FRMD3: variants seen among roughly 807,000 people sequenced by gnomAD.
The protein encoded by FRMD3 is FERM domain containing 3.
Under a neutral mutation model 70.2 loss-of-function variants are expected in FRMD3, and 33 were observed. The observed-to-expected ratio is 0.47, with a 90% CI of 0.36 to 0.63. FRMD3 has a LOEUF of 0.63. Ranked by LOEUF, FRMD3 falls within the 20% of genes least tolerant of loss-of-function variation. The probability of loss-of-function intolerance (pLI) is 0.00; values close to 1 mark genes in which losing one functional copy is unlikely to be tolerated. For missense variants in FRMD3, 632 were observed against 711.4 expected, an observed-to-expected ratio of 0.89 and a Z score of 1.27; for synonymous variants, 279 against 255.9, an observed-to-expected ratio of 1.09 and a Z score of -0.86.
chr9:83,545,356 G>GT, the FRMD3 span, among the ~76,000 whole-genome samples: 13,644 of 117,322 alleles, frequency 0.12, 979 homozygotes, highest in Middle Eastern at 0.18. Context: ...GTTTTTTTTT[G>GT]TTTTTTTTTT....
intron 3 of FRMD3, among the ~76,000 whole-genome samples, chr9:83,362,950 T>C (rs150186921): frequency 1.4e-5 from 2 of 142,914 alleles, no homozygotes; most frequent in Admixed American, 1.4e-4. Flanking sequence ...TTCCTTGCTT[T>C]CTTTCTTCCT....
intron 2 of FRMD3, among the ~76,000 whole-genome samples, chr9:83,379,319 A>G (rs1410466355): frequency 1.3e-5 from 2 of 152,166 alleles, no homozygotes; most frequent in African/African-American, 4.8e-5. Context: ...GTAATTAGAT[A>G]TAAGTCTTAG....
intron 1 of FRMD3, among the ~76,000 whole-genome samples, chr9:83,394,445 C>T (rs1172571179): frequency 6.6e-6 from 1 of 152,172 alleles, no homozygotes. Context: ...CTCTGAATCT[C>T]TATCTCCTGG....
At chr9:83,580,975 G>A in the FRMD3 span, among the ~76,000 whole-genome samples, 6 of 152,214 alleles carry the variant, frequency 3.9e-5, no homozygotes, top group East Asian at 9.7e-4. Flanking sequence ...GTGTTGTGGA[G>A]AGGGAGGCTA....
At position 83,446,988 on chromosome 9, in the gene FRMD3, T is replaced by TG. The variant is rs1554706660; in HGVS notation, c.148-57281_148-57280insC. On this transcript the variant is annotated intron_variant, in intron 1 of 13. Transcript: ENST00000304195. Reference sequence around the variant, plus strand: ...CCTCCTCACAGACAGCAGATCAGGGTTTTTGTTTTGTTTTGTTTTGTTTTG... The same window carrying TG: ...CCTCCTCACAGACAGCAGATCAGGGTGTTTTGTTTTGTTTTGTTTTGTTTTG... 6.8e-3 allele frequency among the ~76,000 whole-genome samples: 1,001 copies of TG among 146,854 alleles called. 11 individuals are homozygous for TG. Among genetic ancestry groups the TG allele is most frequent in the African/African-American group, 0.024 (940 of 39,364 alleles).
At chr9:83,259,955 G>A (rs2118675320) in intron 13 of FRMD3, among the ~76,000 whole-genome samples, 1 of 152,244 alleles carries the variant, frequency 6.6e-6, no homozygotes, top group Non-Finnish European at 1.5e-5. Context: ...ATGATGGAGT[G>A]AAAAGAGCAG....
intron 6 of FRMD3, among the ~76,000 whole-genome samples, chr9:83,334,408 T>C (rs1823506491): frequency 6.6e-6 from 1 of 152,146 alleles, no homozygotes; most frequent in Non-Finnish European, 1.5e-5. Context: ...TCACATATAC[T>C]CTTCCCAGAC....
chr9:83,352,965 A>G (rs1824211536), intron 3 of FRMD3, among the ~76,000 whole-genome samples: 1 of 152,214 alleles, frequency 6.6e-6, no homozygotes, highest in African/African-American at 2.4e-5. Context: ...AAATCAATAC[A>G]AGGTGCTCAA....
chr9:83,370,282 A>C (rs1424688477), intron 3 of FRMD3, among the ~76,000 whole-genome samples: 1 of 152,208 alleles, frequency 6.6e-6, no homozygotes, highest in Non-Finnish European at 1.5e-5. Context: ...ATAGTTTAAA[A>C]ATTTTCTAAT....
intron 4 of FRMD3, among the ~76,000 whole-genome samples, chr9:83,347,476 ACAT>A (rs1824001265): frequency 6.6e-6 from 1 of 152,220 alleles, no homozygotes; most frequent in South Asian, 2.1e-4. Context: ...ATTAAAATCA[ACAT>A]TCTTTTTGTA....
intron 1 of FRMD3, among the ~76,000 whole-genome samples, chr9:83,414,360 G>T (rs1826369783): frequency 6.6e-6 from 1 of 152,162 alleles, no homozygotes; most frequent in African/African-American, 2.4e-5. Flanking sequence ...CGACATCAAT[G>T]TGAAAGGTAA....
chr9:83,396,690 G>T lies in FRMD3; in HGVS notation c.148-6982C>A, dbSNP rs149881474. Among the ~76,000 whole-genome samples the T allele has an allele frequency of 5.3e-5, 8 of 152,324 alleles. No individual in the cohort carries two copies. In the East Asian group the frequency reaches 1.5e-3, roughly 29 times the overall value. On this transcript the variant is annotated intron_variant, in intron 1 of 13. Coordinates refer to ENST00000304195, the MANE Select transcript of FRMD3 (RefSeq NM_174938.6). ...TGCCCTTCCCTCTGGACCATACACA[G>T]AGGTGCAGTGGGATTGAGGATGAAG... is the stretch of plus-strand genomic sequence containing the variant.
intron 12 of FRMD3, among the ~76,000 whole-genome samples, chr9:83,292,746 C>G (rs1834488825): frequency 6.6e-6 from 1 of 152,116 alleles, no homozygotes; most frequent in African/African-American, 2.4e-5. Flanking sequence ...CTCCTGGGTT[C>G]AAGTGATTCT....
intron 1 of FRMD3, among the ~76,000 whole-genome samples, chr9:83,393,913 T>C (rs1247962178): frequency 6.8e-6 from 1 of 146,110 alleles, no homozygotes; most frequent in African/African-American, 2.5e-5. Context: ...TTCTATTGTG[T>C]GTGTGTTTTT....
downstream of FRMD3, among the ~76,000 whole-genome samples, chr9:83,243,847 G>T (rs930639566): frequency 4.6e-5 from 7 of 152,108 alleles, no homozygotes; most frequent in African/African-American, 1.7e-4. Context: ...TAGGTATGGA[G>T]TTGTTAGCTT....
At chr9:83,269,367 A>G (rs1833438439) in intron 13 of FRMD3, among the ~76,000 whole-genome samples, 1 of 152,212 alleles carries the variant, frequency 6.6e-6, no homozygotes, top group Admixed American at 6.5e-5. Context: ...GTTTTTTTCT[A>G]CCAGGATAGT....
At chr9:83,515,994 G>T (rs561355097) in intron 1 of FRMD3, among the ~76,000 whole-genome samples, 1 of 151,956 alleles carries the variant, frequency 6.6e-6, no homozygotes, top group Non-Finnish European at 1.5e-5. Flanking sequence ...AGGAAAAACC[G>T]ATACCAGCCA....
At chr9:83,467,681 G>C in intron 1 of FRMD3, 1 of 1,535,136 alleles carries the variant, frequency 6.5e-7, no homozygotes, top group Non-Finnish European at 8.7e-7. Flanking sequence ...TTGCAGTGCC[G>C]TGATCTGCTA....
At chr9:83,584,210 C>A in the FRMD3 span, among the ~76,000 whole-genome samples, 1 of 152,060 alleles carries the variant, frequency 6.6e-6, no homozygotes, top group Non-Finnish European at 1.5e-5. Context: ...GTGGCGCACA[C>A]CTGTAGTCCC....
Sources: allele counts gnomAD v4.1 joint callset (sites outside exome capture counted in the v4.1 genomes callset), GRCh38; gene constraint gnomAD v4.1.1; transcripts MANE v1.5; gene names NCBI Gene and HGNC (gene_info 2026-07-23, HGNC 2026-07-21).